The following TECR variants were observed in gnomAD, a reference collection of about 807,000 sequenced individuals.
The protein encoded by TECR is trans-2,3-enoyl-CoA reductase.
TECR carries 19 observed loss-of-function variants against 50.6 expected under a neutral mutation model. That is an observed-to-expected ratio of 0.38 (90% CI 0.26 to 0.55). TECR has a LOEUF of 0.55. TECR is among the 20% of genes least tolerant of loss of function. The pLI, the probability that TECR is intolerant of heterozygous loss-of-function variation, is 0.79. For synonymous variants in TECR, 168 were observed against 163.5 expected (o/e 1.03, Z -0.21); for missense variants, 313 against 408.3 (o/e 0.77, Z 2.01).
chr19:14,543,558 C>T (rs899155021), intron 1 of TECR, among the ~76,000 whole-genome samples: 1 of 144,626 alleles, frequency 6.9e-6, no homozygotes, highest in African/African-American at 2.6e-5. Context: ...CCTGCCTCAG[C>T]CTCCCGAGTA....
intron 1 of TECR, among the ~76,000 whole-genome samples, chr19:14,558,789 G>C (rs2073820542): frequency 6.6e-6 from 1 of 152,052 alleles, no homozygotes; most frequent in African/African-American, 2.4e-5. Context: ...TGGCTCCGTG[G>C]GCTTCCTCAG....
At chr19:14,540,767 G>C (rs1324134700) in intron 1 of TECR, among the ~76,000 whole-genome samples, 1 of 152,128 alleles carries the variant, frequency 6.6e-6, no homozygotes, top group Non-Finnish European at 1.5e-5. Context: ...GATCTTAAGT[G>C]ATCTGCCGGC....
chr19:14,554,458 T>C (rs988422531), intron 1 of TECR, among the ~76,000 whole-genome samples: 18 of 151,824 alleles, frequency 1.2e-4, no homozygotes, highest in Non-Finnish European at 2.6e-4. Context: ...TCCTGTGGTG[T>C]GGACTCTGCC....
rs980564669 is a variant in TECR, at chr19:14,536,329, G to T, written c.15+6618G>T. On this transcript the variant is annotated intron_variant, in intron 1 of 12. Transcript: ENST00000215567. The stretch of plus-strand genomic sequence containing the variant: ...CTGTTGCCCAGGCTGGAGTGCAGTG[G>T]TGCCATCTAGGCTCACTGCAACCTC... Among the ~76,000 whole-genome samples, 6 of 151,472 alleles carry T rather than the reference G, an allele frequency of 4.0e-5. No homozygotes were observed. The East Asian group carries it at 9.7e-4, about 24-fold the overall frequency.
At chr19:14,558,985 G>T (rs1024748751) in intron 1 of TECR, among the ~76,000 whole-genome samples, 1 of 152,144 alleles carries the variant, frequency 6.6e-6, no homozygotes, top group Non-Finnish European at 1.5e-5. Context: ...GGGCAGGCGT[G>T]TGTGTGTGTG....
intron 1 of TECR, among the ~76,000 whole-genome samples, chr19:14,546,509 C>A (rs1051582697): frequency 6.6e-6 from 1 of 152,088 alleles, no homozygotes; most frequent in Non-Finnish European, 1.5e-5. Context: ...ATTGCTTGAA[C>A]CCGGGAGGCA....
rs1053750277 is a variant in TECR at position 14,563,475 on chromosome 19, G to T, written c.119-183G>T. On this transcript the variant is annotated intron_variant, in intron 3 of 12. Transcript: ENST00000215567. This position sits in a 1 kb window ranked among gnomAD's most constrained non-coding sequence, Gnocchi z 5.3. Reference sequence around the variant, plus strand: ...GAAGGACAAGATCCTGCTTCTGCCCGCGCTCTTCTGGCTTGTGTCCTGAAA... The same window carrying T: ...GAAGGACAAGATCCTGCTTCTGCCCTCGCTCTTCTGGCTTGTGTCCTGAAA... The T allele has an allele frequency of 8.1e-6, 7 of 859,114 alleles. No homozygotes were observed. The highest frequency in any genetic ancestry group is 1.3e-5 in the Non-Finnish European group (7 of 539,264). 53.2% of individuals were successfully genotyped at this position (859,114 alleles called of 1,614,324 possible). A position where few individuals can be genotyped will look rare whatever the true frequency, so the allele number is the denominator to read the frequency against.
intron 1 of TECR, among the ~76,000 whole-genome samples, chr19:14,541,540 T>C (rs959028854): frequency 6.6e-6 from 1 of 152,330 alleles, no homozygotes; most frequent in Non-Finnish European, 1.5e-5. Flanking sequence ...TTCCCTCTTA[T>C]CAATGCTAAG....
chr19:14,563,052 C>T lies in TECR; in HGVS notation c.67-154C>T. 1.1e-6 allele frequency: 1 copy of T among 923,752 alleles called. No individual in the cohort carries two copies. Among genetic ancestry groups the T allele is most frequent in the Non-Finnish European group, 1.7e-6 (1 of 603,274 alleles). The allele number at this position is 923,752 out of a possible 1,614,324, so 57.2% of individuals were successfully genotyped here. ...CTGCACTGGCAGGGCCCTCGGTGGT[C>T]CTTCCCTGACTGCAGGCAGAGGCCT... On this transcript the variant is annotated intron_variant, in intron 2 of 12. Coordinates refer to ENST00000215567, the MANE Select transcript of TECR (RefSeq NM_138501.6). The surrounding 1 kb of genome is among the most constrained non-coding windows in gnomAD (Gnocchi z 5.3).
At chr19:14,532,834 G>A (rs567175310) in intron 1 of TECR, among the ~76,000 whole-genome samples, 1 of 152,342 alleles carries the variant, frequency 6.6e-6, no homozygotes, top group Admixed American at 6.5e-5. Context: ...TTCTGGCCGG[G>A]CGAGGTGGCT....
chr19:14,546,599 C>G lies in TECR; in HGVS notation c.16-15926C>G, dbSNP rs74773002. Among the ~76,000 whole-genome samples the G allele has an allele frequency of 1.2e-3, 181 of 152,308 alleles. 1 individual carries two copies. The highest frequency in any genetic ancestry group is 4.0e-3 in the African/African-American group (165 of 41,566). On this transcript the variant is annotated intron_variant, in intron 1 of 12. Transcript: ENST00000215567. ...GAAACAGGGCTCTCACTATCTTGGCCTGGCTGCATGCACTACCGTGTCTAG... is the reference window on the plus strand; with the variant it reads ...GAAACAGGGCTCTCACTATCTTGGCGTGGCTGCATGCACTACCGTGTCTAG...
At chr19:14,528,500 G>A (rs1345989209), upstream of TECR, among the ~76,000 whole-genome samples, 4 of 151,156 alleles carry the variant, frequency 2.6e-5, no homozygotes, top group Admixed American at 1.3e-4. Context: ...GGCCTCCCAA[G>A]GTGCTAGGAT....
intron 1 of TECR, among the ~76,000 whole-genome samples, chr19:14,535,229 C>T (rs181894237): frequency 3.3e-5 from 5 of 151,074 alleles, no homozygotes; most frequent in South Asian, 4.2e-4. Context: ...AAAAATTGGC[C>T]GGGTGCAGTG....
intron 1 of TECR, among the ~76,000 whole-genome samples, chr19:14,543,370 A>G (rs1164421402): frequency 1.6e-5 from 2 of 127,276 alleles, no homozygotes; most frequent in African/African-American, 6.0e-5. Context: ...TATTGCCTGT[A>G]TACTACTTGT....
upstream of TECR, chr19:14,529,463 A>C (rs1041066085): frequency 9.2e-6 from 6 of 654,214 alleles, no homozygotes; most frequent in African/African-American, 1.1e-4. Flanking sequence ...TTGATTGGTC[A>C]ATCCCCTGGT....
chr19:14,553,141 G>A (rs754833722), intron 1 of TECR, among the ~76,000 whole-genome samples: 24 of 152,112 alleles, frequency 1.6e-4, no homozygotes, highest in Non-Finnish European at 1.5e-5. Flanking sequence ...CCCAAGCCAG[G>A]AGCTCGTGCG....
chr19:14,556,414 A>AAAAAC (rs2073725928), intron 1 of TECR, among the ~76,000 whole-genome samples: 1 of 31,568 alleles, frequency 3.2e-5, no homozygotes, highest in South Asian at 5.6e-4. Flanking sequence ...CTCTCAAAAA[A>AAAAAC]AAAACAAAAA....
chr19:14,559,339 TC>T (rs897070984), intron 1 of TECR, among the ~76,000 whole-genome samples: 2 of 151,588 alleles, frequency 1.3e-5, no homozygotes, highest in Admixed American at 6.6e-5. Flanking sequence ...CACTCCCCAT[TC>T]CCCCCGCCCA....
At chr19:14,529,445 C>T (rs2072523324), upstream of TECR, 9 of 629,638 alleles carry the variant, frequency 1.4e-5, no homozygotes, top group South Asian at 1.2e-4. Context: ...TTCGATTGGT[C>T]TCGCAAGTTG....
Sources: gnomAD v4.1 joint callset for allele counts (sites outside exome capture counted in the v4.1 genomes callset) on GRCh38, gnomAD v4.1.1 for gene constraint, Gnocchi (gnomAD v3.1) non-coding constraint, MANE v1.5 for transcripts, NCBI Gene and HGNC (gene_info 2026-07-23, HGNC 2026-07-21) for gene names.